Variants in KDM2B observed in about 807,000 individuals in gnomAD.
KDM2B encodes the protein lysine-specific demethylase 2B.
A neutral mutation model predicts 150.0 loss-of-function variants in KDM2B; 26 were observed. The observed-to-expected ratio is 0.17, with a 90% CI of 0.13 to 0.24. The LOEUF (loss-of-function observed/expected upper bound fraction) is 0.24, where lower values mean the gene tolerates loss of function less well. Among genes scored for constraint, KDM2B ranks in the 10% least tolerant of loss-of-function variants. The pLI, the probability that KDM2B is intolerant of heterozygous loss-of-function variation, is 1.00. For missense variants in KDM2B, 1,265 were observed against 1,816.9 expected, an observed-to-expected ratio of 0.70 and a Z score of 5.52; for synonymous variants, 734 against 729.5, an observed-to-expected ratio of 1.01 and a Z score of -0.10.
At chr12:121,552,014 A>G (rs551128961) in intron 4 of KDM2B, among the ~76,000 whole-genome samples, 2,550 of 152,318 alleles carry the variant, frequency 0.017, 33 homozygotes, top group South Asian at 0.031. Flanking sequence ...GCAAGGTGAG[A>G]CAGTCTGTTT....
intron 12 of KDM2B, among the ~76,000 whole-genome samples, chr12:121,487,368 A>C (rs973619846): frequency 6.6e-6 from 1 of 152,200 alleles, no homozygotes; most frequent in East Asian, 1.9e-4. Flanking sequence ...TAAATGACTC[A>C]GACGTCAGGA....
Position 121,452,624 on chromosome 12 carries a change from T to C in KDM2B, c.1959+496A>G, listed in dbSNP as rs1327098839. On this transcript the variant is annotated intron_variant, in intron 13 of 22. Coordinates refer to ENST00000377071, the MANE Select transcript of KDM2B (RefSeq NM_032590.5). The surrounding 1 kb of genome is among the most constrained non-coding windows in gnomAD (Gnocchi z 4.4). The stretch of plus-strand genomic sequence containing the variant: ...CGAAGTCCATGTCCACTGCCCTGTC[T>C]GGGGACGAGACCAGCGGCGCGGGGC... 6.6e-6 allele frequency among the ~76,000 whole-genome samples: 1 copy of C among 152,258 alleles called. No individual in the cohort carries two copies. The highest frequency in any genetic ancestry group is 1.5e-5 in the Non-Finnish European group (1 of 68,044).
intron 12 of KDM2B, among the ~76,000 whole-genome samples, chr12:121,493,059 C>CT (rs61628112): frequency 0.055 from 2,993 of 54,084 alleles, 881 homozygotes; most frequent in African/African-American, 0.15. Context: ...TCATGCCTGG[C>CT]TTTTTTTTTT....
rs782442951 is a variant in KDM2B, at chr12:121,443,747, G to A, written c.2498C>T (p.Pro833Leu). 5.0e-6 allele frequency: 8 copies of A among 1,610,808 alleles called. No individual in the cohort carries two copies. Among genetic ancestry groups the A allele is most frequent in the Admixed American group, 1.7e-5 (1 of 59,814 alleles). ...GAGGCTGCTGCCTAGAGGGGGCCTCGGCGAGAGGTGAGAGGAGGAACCGGG... is the reference window on the plus strand; with the variant it reads ...GAGGCTGCTGCCTAGAGGGGGCCTCAGCGAGAGGTGAGAGGAGGAACCGGG... The part of the protein sequence containing the change: ...TSPGSSSHLS[P>L]RPPLGSSLSP... The change falls in exon 17 of 23, where the codon CCG becomes CTG. Residue 833 changes from proline (P) to leucine (L), a missense_variant. Transcript: ENST00000377071.
In KDM2B at chr12:121,520,517, C is replaced by T. The variant is rs567297231; in HGVS notation, c.1047+468G>A. ...GTACCCAGGGGGACTCAGGCACTGG[C>T]TTCCTCAGGCTTCCTCCCCAGTCAG... On this transcript the variant is annotated intron_variant, in intron 9 of 22. Transcript: ENST00000377071. The surrounding 1 kb of genome is among the most constrained non-coding windows in gnomAD (Gnocchi z 4.5). 1.3e-5 allele frequency among the ~76,000 whole-genome samples: 2 copies of T among 152,118 alleles called. No homozygotes were observed. Among genetic ancestry groups the T allele is most frequent in the Non-Finnish European group, 2.9e-5 (2 of 68,014 alleles).
chr12:121,513,471 T>C lies in KDM2B; in HGVS notation c.1048-69A>G, dbSNP rs986060216. On this transcript the variant is annotated intron_variant, in intron 9 of 22. Coordinates refer to ENST00000377071, the MANE Select transcript of KDM2B (RefSeq NM_032590.5). The surrounding 1 kb of genome is among the most constrained non-coding windows in gnomAD (Gnocchi z 5.0). ...GCGAAGGGGGAAGGAGGGAGAGAAG[T>C]GCGGGGCAGGCTCCCTGCAGGTGAG... The C allele has an allele frequency of 1.1e-4, 176 of 1,553,648 alleles. No homozygotes were observed. Among genetic ancestry groups the C allele is most frequent in the Non-Finnish European group, 1.5e-4 (170 of 1,131,400 alleles).
intron 4 of KDM2B, among the ~76,000 whole-genome samples, chr12:121,552,016 A>T (rs1211166943): frequency 1.3e-5 from 2 of 152,230 alleles, no homozygotes; most frequent in African/African-American, 4.8e-5. Context: ...AAGGTGAGAC[A>T]GTCTGTTTTA....
the KDM2B span, among the ~76,000 whole-genome samples, chr12:121,412,944 T>G: frequency 6.6e-6 from 1 of 152,050 alleles, no homozygotes; most frequent in Non-Finnish European, 1.5e-5. Flanking sequence ...CTCGAACTCT[T>G]GACCTCATGA....
intron 8 of KDM2B, among the ~76,000 whole-genome samples, chr12:121,527,830 C>T (rs559219184): frequency 1.6e-4 from 25 of 152,170 alleles, no homozygotes; most frequent in Admixed American, 3.9e-4. Flanking sequence ...ATGTTCATTG[C>T]TTATAACTGT....
intron 22 of KDM2B, among the ~76,000 whole-genome samples, chr12:121,431,673 T>C (rs1007595867): frequency 5.3e-5 from 8 of 152,134 alleles, no homozygotes; most frequent in Non-Finnish European, 1.0e-4. Flanking sequence ...TTTATACAGC[T>C]AGTCCTTTCA....
chr12:121,525,064 G>A (rs1355250350), intron 8 of KDM2B, among the ~76,000 whole-genome samples: 5 of 152,090 alleles, frequency 3.3e-5, no homozygotes, highest in Admixed American at 1.3e-4. Context: ...CCTCACAGAC[G>A]CCCACAACCC....
intron 22 of KDM2B, among the ~76,000 whole-genome samples, chr12:121,437,880 G>C (rs1874267740): frequency 7.1e-6 from 1 of 141,784 alleles, no homozygotes; most frequent in Non-Finnish European, 1.6e-5. Flanking sequence ...ACACCGATGA[G>C]AGGGGAATTT....
chr12:121,486,947 T>A (rs1882829579), intron 12 of KDM2B, among the ~76,000 whole-genome samples: 2 of 151,750 alleles, frequency 1.3e-5, no homozygotes, highest in African/African-American at 4.8e-5. Flanking sequence ...CACTCCAGCA[T>A]GAGCAACATA....
At chr12:121,560,741 A>G (rs1164807733) in intron 4 of KDM2B, among the ~76,000 whole-genome samples, 1 of 152,194 alleles carries the variant, frequency 6.6e-6, no homozygotes, top group Non-Finnish European at 1.5e-5. Flanking sequence ...GATCTGCCAC[A>G]GGAGCAAAGG....
intron 4 of KDM2B, among the ~76,000 whole-genome samples, chr12:121,571,370 C>A (rs1555315864): frequency 1.3e-5 from 2 of 152,134 alleles, no homozygotes; most frequent in African/African-American, 4.8e-5. Flanking sequence ...CTCACTGCAA[C>A]CTCTGCCTCC....
downstream of KDM2B, among the ~76,000 whole-genome samples, chr12:121,426,966 T>C (rs1057085028): frequency 6.6e-6 from 1 of 152,166 alleles, no homozygotes; most frequent in Non-Finnish European, 1.5e-5. Context: ...TCATGTCATA[T>C]GGATAAGTCT....
chr12:121,537,837 G>A lies in KDM2B; in HGVS notation c.684-3247C>T, dbSNP rs1888271356. On this transcript the variant is annotated intron_variant, in intron 6 of 22. Coordinates refer to ENST00000377071, the MANE Select transcript of KDM2B (RefSeq NM_032590.5). This position sits in a 1 kb window ranked among gnomAD's most constrained non-coding sequence, Gnocchi z 8.7. ...GCGACGCCGGCCCTGTAGCCCGCGGGCGGGAGGCCACCCACACCCGCCCCG... is the reference window on the plus strand; with the variant it reads ...GCGACGCCGGCCCTGTAGCCCGCGGACGGGAGGCCACCCACACCCGCCCCG... Among the ~76,000 whole-genome samples the A allele has an allele frequency of 6.6e-6, 1 of 151,832 alleles. No homozygotes were observed. Among genetic ancestry groups the A allele is most frequent in the Admixed American group, 6.6e-5 (1 of 15,260 alleles).
chr12:121,449,117 C>T (rs1365218844), intron 13 of KDM2B, among the ~76,000 whole-genome samples: 1 of 150,184 alleles, frequency 6.7e-6, no homozygotes, highest in African/African-American at 2.5e-5. Flanking sequence ...GATGGCAGAA[C>T]GGGCTCTGAG....
rs782181641 is a variant in KDM2B at position 121,444,238 on chromosome 12, T to C, written c.2225A>G (p.Asn742Ser). 6.2e-7 allele frequency: 1 copy of C among 1,613,894 alleles called. No homozygotes were observed. The highest frequency in any genetic ancestry group is 8.5e-7 in the Non-Finnish European group (1 of 1,180,032). The change falls in exon 16 of 23, where the codon AAC (asparagine) becomes AGC (serine). Residue 742 changes from asparagine to serine, a missense_variant. Physicochemically the swap from Asn to Ser is conservative, Grantham distance 46. This residue lies in a region of KDM2B where 38 missense variants were observed against 98.1 expected (regional missense o/e 0.39). Coordinates refer to ENST00000377071, the MANE Select transcript of KDM2B (RefSeq NM_032590.5). ...KRGPGFKYAS[N>S]LPGSLLKEQK... ...CTCCTTGAGCAGGGAGCCGGGCAGG[T>C]TGGAGGCGTACTTAAAGCCAGGGCC...
Sources: allele counts gnomAD v4.1 joint callset (sites outside exome capture counted in the v4.1 genomes callset), GRCh38; gene constraint gnomAD v4.1.1; regional missense constraint gnomAD v4.1.1; non-coding constraint Gnocchi (gnomAD v3.1); transcripts MANE v1.5; gene names NCBI Gene and HGNC (gene_info 2026-07-23, HGNC 2026-07-21).